Variants in TRDN observed in about 807,000 individuals in gnomAD.
TRDN encodes the protein triadin in skeletal muscle.
In TRDN, 161 loss-of-function variants were observed where a neutral mutation model predicts 149.7. That is an observed-to-expected ratio of 1.08 (90% CI 0.95 to 1.23). TRDN has a LOEUF of 1.23. TRDN is among the 50% of genes most tolerant of loss of function. The probability of loss-of-function intolerance (pLI) is 0.00; values close to 1 mark genes in which losing one functional copy is unlikely to be tolerated. For synonymous variants in TRDN, 294 were observed against 250.5 expected (o/e 1.17, Z -1.64); for missense variants, 896 against 823.5 (o/e 1.09, Z -1.08).
chr6:123,247,569 A>C (rs1158193454), intron 38 of TRDN, among the ~76,000 whole-genome samples: 1 of 152,206 alleles, frequency 6.6e-6, no homozygotes, highest in Admixed American at 6.5e-5. Flanking sequence ...TTCAAGGAGA[A>C]CTACAAACCA....
chr6:123,547,780 C>T (rs1390277975), intron 3 of TRDN, among the ~76,000 whole-genome samples: 5 of 151,854 alleles, frequency 3.3e-5, no homozygotes, highest in Admixed American at 3.3e-4. Flanking sequence ...TAAGACTGAC[C>T]CTAAAAAGTG....
intron 12 of TRDN, among the ~76,000 whole-genome samples, chr6:123,411,236 G>A (rs1466564757): frequency 6.6e-6 from 1 of 151,648 alleles, no homozygotes; most frequent in Non-Finnish European, 1.5e-5. Flanking sequence ...TAGTAGAGAC[G>A]AGCTTTCTCC....
intron 1 of TRDN, among the ~76,000 whole-genome samples, chr6:123,605,344 T>C (rs1019195952): frequency 6.6e-6 from 1 of 150,504 alleles, no homozygotes; most frequent in African/African-American, 2.4e-5. Context: ...TAACTCTTTC[T>C]AGGGCTAGGC....
intron 39 of TRDN, among the ~76,000 whole-genome samples, chr6:123,221,944 G>T (rs1775163192): frequency 6.6e-6 from 1 of 151,608 alleles, no homozygotes; most frequent in Non-Finnish European, 1.5e-5. Context: ...TATGTTTTTC[G>T]TGATCATCCT....
At chr6:123,278,999 T>C (rs1777479306) in intron 25 of TRDN, 57 bp downstream of exon 25, 3 of 1,474,614 alleles carry the variant, frequency 2.0e-6, no homozygotes, top group Non-Finnish European at 2.8e-6. Context: ...TAAGATTTGT[T>C]TTATGTATGT....
At chr6:123,508,904 T>C (rs1298778775) in intron 7 of TRDN, among the ~76,000 whole-genome samples, 5 of 152,178 alleles carry the variant, frequency 3.3e-5, no homozygotes. Flanking sequence ...TATGACTTTT[T>C]ATCTTATTTT....
intron 24 of TRDN, among the ~76,000 whole-genome samples, chr6:123,292,225 G>T (rs1778035195): frequency 6.6e-6 from 1 of 152,092 alleles, no homozygotes; most frequent in Admixed American, 6.5e-5. Flanking sequence ...GCCTGCCCTG[G>T]GTCCATAATG....
At position 123,420,391 on chromosome 6, in the gene TRDN, T is replaced by A. The variant is rs116571044; in HGVS notation, c.1051+17672A>T. On this transcript the variant is annotated intron_variant, in intron 12 of 40. Transcript: ENST00000334268. ...CCTGGCAGAGATGCAAGGATTTTTT[T>A]AAAAAAAAAACAGCAAAACTGTCTA... 3.3e-3 allele frequency among the ~76,000 whole-genome samples: 500 copies of A among 151,230 alleles called. 1 individual carries two copies. Among genetic ancestry groups the A allele is most frequent in the African/African-American group, 9.2e-3 (380 of 41,272 alleles).
intron 24 of TRDN, among the ~76,000 whole-genome samples, chr6:123,302,419 A>T (rs1778461559): frequency 6.6e-6 from 1 of 152,128 alleles, no homozygotes. Context: ...TTGCATATTC[A>T]GTGTCAGAAT....
chr6:123,246,264 A>G (rs1207331874), intron 38 of TRDN, among the ~76,000 whole-genome samples: 1 of 152,176 alleles, frequency 6.6e-6, no homozygotes, highest in Admixed American at 6.6e-5. Context: ...AGATAGAGAC[A>G]CAAAAATCCC....
At chr6:123,356,905 T>A (rs2114319541) in intron 20 of TRDN, among the ~76,000 whole-genome samples, 1 of 151,704 alleles carries the variant, frequency 6.6e-6, no homozygotes, top group East Asian at 1.9e-4. Flanking sequence ...ATTCATAATT[T>A]TTATTGTATT....
At chr6:123,350,840 T>G in intron 21 of TRDN, 1 of 984,030 alleles carries the variant, frequency 1.0e-6, no homozygotes, top group Non-Finnish European at 1.2e-6. Flanking sequence ...AGCCTAAGCT[T>G]TAATAAGATA....
chr6:123,497,091 G>T (rs983615818), intron 9 of TRDN, 102 bp downstream of exon 9: 5 of 841,076 alleles, frequency 5.9e-6, no homozygotes, highest in Non-Finnish European at 8.8e-6. Context: ...CATGCATTAT[G>T]CAATTTTTAA....
chr6:123,499,879 G>C (rs1460113361), intron 8 of TRDN, among the ~76,000 whole-genome samples: 5 of 150,456 alleles, frequency 3.3e-5, no homozygotes, highest in Non-Finnish European at 7.4e-5. Context: ...TGGTAATCTA[G>C]AGATGATTTA....
chr6:123,584,149 T>G (rs1471349051), intron 1 of TRDN, among the ~76,000 whole-genome samples: 1 of 151,922 alleles, frequency 6.6e-6, no homozygotes, highest in Non-Finnish European at 1.5e-5. Flanking sequence ...AGGTCGGGTG[T>G]GGTATCAGGA....
chr6:123,279,528 T>A (rs1468841406), intron 24 of TRDN, among the ~76,000 whole-genome samples: 6 of 152,076 alleles, frequency 3.9e-5, no homozygotes, highest in Non-Finnish European at 8.8e-5. Context: ...CACTTTTCTC[T>A]GATTCTGTTT....
In TRDN at chr6:123,255,222, T is replaced by C. The variant is rs564903459; in HGVS notation, c.1907-97A>G. 9 of 510,594 alleles carry C rather than the reference T, an allele frequency of 1.8e-5. No individual in the cohort carries two copies. In the East Asian group the frequency reaches 3.3e-4, roughly 19 times the overall value. 31.6% of individuals were successfully genotyped at this position (510,594 alleles called of 1,614,324 possible). On this transcript the variant is annotated intron_variant, in intron 36 of 40. Transcript: ENST00000334268. ...TCAACGAATGAGGATAATTTAAGTG[T>C]TATAAATATTTTCTCAAGTTGGTTT...
intron 9 of TRDN, among the ~76,000 whole-genome samples, chr6:123,484,123 C>T (rs919717134): frequency 6.6e-6 from 1 of 151,200 alleles, no homozygotes; most frequent in Middle Eastern, 3.2e-3. Flanking sequence ...TCATCTTTTG[C>T]AAATACAAAA....
At chr6:123,586,051 T>C (rs1001747181) in intron 1 of TRDN, among the ~76,000 whole-genome samples, 1 of 152,130 alleles carries the variant, frequency 6.6e-6, no homozygotes, top group South Asian at 2.1e-4. Flanking sequence ...CTGTAAAGTG[T>C]CTCAGGGTTG....
Sources: gnomAD v4.1 joint callset for allele counts (sites outside exome capture counted in the v4.1 genomes callset) on GRCh38, gnomAD v4.1.1 for gene constraint, MANE v1.5 for transcripts, NCBI Gene and HGNC (gene_info 2026-07-23, HGNC 2026-07-21) for gene names.